Variants in LIMS1 observed in about 807,000 individuals in gnomAD.
The protein encoded by LIMS1 is LIM zinc finger domain containing 1.
Under a neutral mutation model 44.1 loss-of-function variants are expected in LIMS1, and 18 were observed. That is an observed-to-expected ratio of 0.41 (90% CI 0.28 to 0.61). LIMS1 has a LOEUF of 0.61. LIMS1 is among the 20% of genes least tolerant of loss of function. The pLI is 0.32. For synonymous variants in LIMS1, 93 were observed against 149.1 expected (o/e 0.62, Z 2.74); for missense variants, 201 against 422.0 (o/e 0.48, Z 4.59).
At chr2:108,564,565 A>C in intron 1 of LIMS1, among the ~76,000 whole-genome samples, 1 of 152,036 alleles carries the variant, frequency 6.6e-6, no homozygotes, top group East Asian at 1.9e-4. Flanking sequence ...CCCAGGGAGG[A>C]GCCGGTGTTG....
chr2:108,604,961 GA>G (rs1687197107), intron 1 of LIMS1, among the ~76,000 whole-genome samples: 1 of 152,214 alleles, frequency 6.6e-6, no homozygotes, highest in African/African-American at 2.4e-5. Flanking sequence ...TTGTGAGTCT[GA>G]ACAGGATACT....
chr2:108,601,948 T>C (rs1687039168), intron 1 of LIMS1, among the ~76,000 whole-genome samples: 1 of 133,028 alleles, frequency 7.5e-6, no homozygotes, highest in African/African-American at 2.5e-5. Flanking sequence ...GGAATGTCTT[T>C]CCATTTTTTG....
intron 1 of LIMS1, among the ~76,000 whole-genome samples, chr2:108,625,038 C>T (rs984911372): frequency 1.3e-5 from 2 of 152,184 alleles, no homozygotes; most frequent in Non-Finnish European, 1.5e-5. Context: ...GAGATCACGC[C>T]GTTGCACTGC....
intron 1 of LIMS1, among the ~76,000 whole-genome samples, chr2:108,636,260 C>CCCAAGTGAGTTCCCAG (rs1689243898): frequency 6.6e-6 from 1 of 152,212 alleles, no homozygotes; most frequent in Non-Finnish European, 1.5e-5. Context: ...CCAGAGAAGG[C>CCCAAGTGAGTTCCCAG]TGTTCCCAGT....
chr2:108,581,279 C>T (rs567109456), intron 1 of LIMS1, among the ~76,000 whole-genome samples: 25 of 152,244 alleles, frequency 1.6e-4, no homozygotes, highest in African/African-American at 2.4e-4. Context: ...ACTTAACCCC[C>T]GCCAGTCGTA....
chr2:108,571,025 A>G (rs1685462858), intron 1 of LIMS1, among the ~76,000 whole-genome samples: 1 of 152,254 alleles, frequency 6.6e-6, no homozygotes, highest in Admixed American at 6.5e-5. Context: ...GGCATTAATC[A>G]GTTACAGAAA....
chr2:108,581,984 GT>G (rs1470391483), intron 1 of LIMS1, among the ~76,000 whole-genome samples: 4 of 151,838 alleles, frequency 2.6e-5, no homozygotes, highest in Non-Finnish European at 5.9e-5. Context: ...TGATGACACT[GT>G]TTTCTTGATA....
At chr2:108,623,542 GT>G (rs1442399440) in intron 1 of LIMS1, among the ~76,000 whole-genome samples, 1 of 152,146 alleles carries the variant, frequency 6.6e-6, no homozygotes, top group Non-Finnish European at 1.5e-5. Context: ...TTAATTCATT[GT>G]TTAATTGTTA....
At chr2:108,665,630 G>A (rs1325649698) in intron 2 of LIMS1, among the ~76,000 whole-genome samples, 2 of 151,984 alleles carry the variant, frequency 1.3e-5, no homozygotes, top group African/African-American at 4.8e-5. Context: ...GGATTCAAGC[G>A]ATTCTCCTGC....
chr2:108,540,844 T>C (rs541625717), intron 1 of LIMS1, among the ~76,000 whole-genome samples: 12 of 152,258 alleles, frequency 7.9e-5, no homozygotes, highest in African/African-American at 1.2e-4. Context: ...GGGTCTCCTC[T>C]GCTATATTAC....
At chr2:108,568,725 G>T (rs1685381295) in intron 1 of LIMS1, among the ~76,000 whole-genome samples, 1 of 152,198 alleles carries the variant, frequency 6.6e-6, no homozygotes, top group Admixed American at 6.5e-5. Flanking sequence ...AGTAGCCATT[G>T]TAATGGGTGT....
intron 3 of LIMS1, among the ~76,000 whole-genome samples, chr2:108,672,023 C>T (rs1222533281): frequency 5.9e-5 from 9 of 152,022 alleles, no homozygotes; most frequent in Non-Finnish European, 1.2e-4. Flanking sequence ...ACAAAATAGC[C>T]GGGCGTGGTG....
intron 2 of LIMS1, among the ~76,000 whole-genome samples, chr2:108,669,975 C>T (rs1217599920): frequency 1.3e-5 from 2 of 152,160 alleles, no homozygotes; most frequent in Middle Eastern, 3.4e-3. Context: ...AAATGTTAAC[C>T]TTTACAGCCT....
In LIMS1 at chr2:108,637,583, C is replaced by T. The variant is rs1026864182; in HGVS notation, c.33-22022C>T. ...TGGAGGCTGTCACTGGTGATCTGGG[C>T]GTTCTCCTAAGTCAGCATTCCTAGC... is the stretch of plus-strand genomic sequence containing the variant. On this transcript the variant is annotated intron_variant, in intron 1 of 9. Transcript: ENST00000544547. 5.9e-5 allele frequency among the ~76,000 whole-genome samples: 9 copies of T among 152,224 alleles called. No individual in the cohort carries two copies. In the East Asian group the frequency reaches 9.6e-4, roughly 16 times the overall value.
chr2:108,587,222 T>TA (rs377011444), intron 1 of LIMS1, among the ~76,000 whole-genome samples: 1 of 152,142 alleles, frequency 6.6e-6, no homozygotes, highest in African/African-American at 2.4e-5. Context: ...TCACCAGCTC[T>TA]AAGAGTGGCT....
In LIMS1 at chr2:108,596,020, G is replaced by A. The variant is rs531652417; in HGVS notation, c.32+61426G>A. Reference sequence around the variant, plus strand: ...AGAGCAAAGATCAGGAGTAAGGGACGATCTCCTAGTATTCACTTGCAGAAG... The same window carrying A: ...AGAGCAAAGATCAGGAGTAAGGGACAATCTCCTAGTATTCACTTGCAGAAG... On this transcript the variant is annotated intron_variant, in intron 1 of 9. Transcript: ENST00000544547. Among the ~76,000 whole-genome samples, 27 of 152,238 alleles carry A rather than the reference G, an allele frequency of 1.8e-4. No individual in the cohort carries two copies. The East Asian group carries it at 4.8e-3, about 27-fold the overall frequency.
At chr2:108,623,646 A>G (rs1226922309) in intron 1 of LIMS1, among the ~76,000 whole-genome samples, 1 of 152,206 alleles carries the variant, frequency 6.6e-6, no homozygotes, top group Non-Finnish European at 1.5e-5. Flanking sequence ...GGCATATTTA[A>G]TATGACCACA....
chr2:108,685,386 C>T (rs1361816621), exon 10 of LIMS1: 2 of 152,028 alleles, frequency 1.3e-5, no homozygotes, highest in African/African-American at 2.4e-5. Context: ...TGCTTTGTTG[C>T]TTAAAAAGAA....
chr2:108,562,707 G>A (rs1048128670), intron 1 of LIMS1, among the ~76,000 whole-genome samples: 2 of 152,242 alleles, frequency 1.3e-5, no homozygotes, highest in Non-Finnish European at 2.9e-5. Flanking sequence ...AGCAGGTGCT[G>A]ATGTAGAAGG....
Sources: allele counts gnomAD v4.1 joint callset (sites outside exome capture counted in the v4.1 genomes callset), GRCh38; gene constraint gnomAD v4.1.1; transcripts MANE v1.5; gene names NCBI Gene and HGNC (gene_info 2026-07-23, HGNC 2026-07-21).